EYS: variants seen among roughly 807,000 people sequenced by gnomAD.
The protein encoded by EYS is EGF-like photoreceptor maintenance factor.
In EYS, 250 loss-of-function variants were observed where a neutral mutation model predicts 282.1. That is an observed-to-expected ratio of 0.89 (90% CI 0.80 to 0.98). The LOEUF is 0.98. Ranked by LOEUF, EYS falls within the 50% of genes least tolerant of loss-of-function variation. The probability of loss-of-function intolerance (pLI) is 0.00; values close to 1 mark genes in which losing one functional copy is unlikely to be tolerated. For synonymous variants in EYS, 1,355 were observed against 1,282.9 expected (o/e 1.06, Z -1.20); for missense variants, 4,016 against 3,709.0 (o/e 1.08, Z -2.15).
chr6:64,996,530 G>T (rs1771270249), intron 14 of EYS, among the ~76,000 whole-genome samples: 1 of 152,298 alleles, frequency 6.6e-6, no homozygotes, highest in African/African-American at 2.4e-5. Flanking sequence ...ATCCCCAAGA[G>T]TGGGATGTGA....
intron 2 of EYS, among the ~76,000 whole-genome samples, chr6:65,510,958 C>A (rs974667253): frequency 2.6e-5 from 4 of 152,106 alleles, no homozygotes; most frequent in African/African-American, 9.7e-5. Context: ...CAAAAGCATT[C>A]TTTGACTGTA....
At chr6:64,997,505 AACTC>A (rs1293673208) in intron 14 of EYS, 73 bp downstream of exon 14, 1 of 1,385,754 alleles carries the variant, frequency 7.2e-7, no homozygotes, top group Non-Finnish European at 9.9e-7. Flanking sequence ...CACAGGCAAA[AACTC>A]ACTCTATTTG....
intron 31 of EYS, among the ~76,000 whole-genome samples, chr6:64,115,077 G>A (rs879545409): frequency 7.2e-5 from 11 of 152,122 alleles, no homozygotes; most frequent in Non-Finnish European, 1.6e-4. Flanking sequence ...AGACCTTGGC[G>A]CTATGGCTGC....
At chr6:65,042,107 A>G (rs1772954779) in intron 13 of EYS, among the ~76,000 whole-genome samples, 1 of 151,580 alleles carries the variant, frequency 6.6e-6, no homozygotes, top group Non-Finnish European at 1.5e-5. Context: ...TTACTGATCA[A>G]CTGACCCCTT....
At chr6:63,982,487 G>A (rs1213017890) in intron 35 of EYS, among the ~76,000 whole-genome samples, 1 of 151,836 alleles carries the variant, frequency 6.6e-6, no homozygotes, top group Non-Finnish European at 1.5e-5. Context: ...CTGGTTGTCA[G>A]CCAGGGGACA....
At chr6:63,819,263 C>T (rs1205614174) in intron 36 of EYS, among the ~76,000 whole-genome samples, 2 of 152,146 alleles carry the variant, frequency 1.3e-5, no homozygotes, top group Non-Finnish European at 2.9e-5. Context: ...CCCTTCATAC[C>T]TGTTTGTGTG....
intron 13 of EYS, among the ~76,000 whole-genome samples, chr6:65,032,069 CA>C (rs1327962197): frequency 1.3e-5 from 2 of 151,964 alleles, no homozygotes; most frequent in Non-Finnish European, 2.9e-5. Context: ...AAAACAAAAA[CA>C]AACAAACAAA....
intron 26 of EYS, among the ~76,000 whole-genome samples, chr6:64,441,601 A>G (rs1774950126): frequency 6.6e-6 from 1 of 152,160 alleles, no homozygotes; most frequent in South Asian, 2.1e-4. Flanking sequence ...CTGTGTCCCC[A>G]CCCAAATCTC....
At chr6:65,086,515 T>C (rs967052893) in intron 12 of EYS, among the ~76,000 whole-genome samples, 6 of 151,796 alleles carry the variant, frequency 4.0e-5, no homozygotes, top group African/African-American at 7.3e-5. Context: ...AAAATACAAA[T>C]GGGAATGAAA....
intron 30 of EYS, among the ~76,000 whole-genome samples, chr6:64,234,383 C>A (rs1383060827): frequency 2.0e-5 from 3 of 151,936 alleles, no homozygotes; most frequent in African/African-American, 4.8e-5. Context: ...TGGTGGGCTG[C>A]TCCATTCATA....
intron 26 of EYS, among the ~76,000 whole-genome samples, chr6:64,577,384 G>A (rs999051301): frequency 6.6e-6 from 1 of 151,750 alleles, no homozygotes; most frequent in African/African-American, 2.4e-5. Flanking sequence ...TTATTTTATA[G>A]TTCTGTATTT....
chr6:64,392,532 G>A (rs1773192300), intron 28 of EYS, among the ~76,000 whole-genome samples: 1 of 151,724 alleles, frequency 6.6e-6, no homozygotes, highest in African/African-American at 2.4e-5. Flanking sequence ...TGACTACTGG[G>A]TACATAAAGA....
At chr6:63,769,185 TAACA>T (rs1769871343) in intron 40 of EYS, among the ~76,000 whole-genome samples, 1 of 151,904 alleles carries the variant, frequency 6.6e-6, no homozygotes, top group Non-Finnish European at 1.5e-5. Context: ...CACACTTACG[TAACA>T]AACCTGCACA....
At chr6:64,424,599 T>C (rs548304318) in intron 28 of EYS, among the ~76,000 whole-genome samples, 5 of 152,326 alleles carry the variant, frequency 3.3e-5, no homozygotes, top group South Asian at 2.1e-4. Flanking sequence ...CACTCTAAGA[T>C]TGCATTTCTT....
At chr6:64,318,891 C>T (rs950221758) in intron 29 of EYS, among the ~76,000 whole-genome samples, 1 of 151,724 alleles carries the variant, frequency 6.6e-6, no homozygotes, top group African/African-American at 2.4e-5. Context: ...CTCAAGCAAT[C>T]ATTATTTCTT....
chr6:65,330,209 T>A, intron 11 of EYS: 1 of 954,722 alleles, frequency 1.0e-6, no homozygotes, highest in Non-Finnish European at 1.2e-6. Flanking sequence ...GGGACAGGTA[T>A]CATGTCTCAT....
intron 33 of EYS, among the ~76,000 whole-genome samples, chr6:64,057,091 A>G (rs1771010826): frequency 6.6e-6 from 1 of 152,204 alleles, no homozygotes; most frequent in African/African-American, 2.4e-5. Context: ...ATCTGAAGAA[A>G]TGTTAAAAGT....
At chr6:63,800,740 G>A (rs1265952256) in intron 37 of EYS, among the ~76,000 whole-genome samples, 5 of 152,256 alleles carry the variant, frequency 3.3e-5, no homozygotes, top group African/African-American at 1.2e-4. Flanking sequence ...GGCAGATGGA[G>A]GTTGCAGTAA....
At chr6:64,963,653 A>G (rs898399966) in intron 14 of EYS, among the ~76,000 whole-genome samples, 1 of 152,188 alleles carries the variant, frequency 6.6e-6, no homozygotes, top group Non-Finnish European at 1.5e-5. Context: ...GAAGCAACTC[A>G]TACAATTTTA....
Sources: gnomAD v4.1 joint callset for allele counts (sites outside exome capture counted in the v4.1 genomes callset) on GRCh38, gnomAD v4.1.1 for gene constraint, MANE v1.5 for transcripts, NCBI Gene and HGNC (gene_info 2026-07-23, HGNC 2026-07-21) for gene names.